CFDP1: variants seen among roughly 807,000 people sequenced by gnomAD.
CFDP1 encodes chromatin remodeling protein CFDP1.
In CFDP1, 31 loss-of-function variants were observed where a neutral mutation model predicts 40.1. The ratio of observed to expected loss-of-function variants is 0.77; its 90% CI spans 0.58 to 1.04. The LOEUF (loss-of-function observed/expected upper bound fraction) is 1.04, where lower values mean the gene tolerates loss of function less well. Ranked by LOEUF, CFDP1 falls within the 50% of genes least tolerant of loss-of-function variation. The probability of loss-of-function intolerance (pLI) is 0.00; values close to 1 mark genes in which losing one functional copy is unlikely to be tolerated. For synonymous variants in CFDP1, 167 were observed against 120.0 expected, an observed-to-expected ratio of 1.39 and a Z score of -2.56; for missense variants, 423 against 343.4, an observed-to-expected ratio of 1.23 and a Z score of -1.83.
At chr16:75,404,633 T>C (rs1025311944) in intron 4 of CFDP1, among the ~76,000 whole-genome samples, 1 of 151,704 alleles carries the variant, frequency 6.6e-6, no homozygotes, top group Non-Finnish European at 1.5e-5. Flanking sequence ...ATAATTAATG[T>C]GAAGCTCATC....
chr16:75,393,463 T>C (rs2078969096), intron 5 of CFDP1, among the ~76,000 whole-genome samples: 1 of 152,074 alleles, frequency 6.6e-6, no homozygotes, highest in African/African-American at 2.4e-5. Flanking sequence ...CTCACACTTT[T>C]TTAGGAAAAT....
chr16:75,426,937 C>G (rs2079348814), intron 1 of CFDP1, among the ~76,000 whole-genome samples: 1 of 151,668 alleles, frequency 6.6e-6, no homozygotes, highest in African/African-American at 2.4e-5. Context: ...TGCTTGTAAT[C>G]CCACCTACTT....
chr16:75,328,172 A>C (rs1000149628), intron 5 of CFDP1, among the ~76,000 whole-genome samples: 3 of 137,030 alleles, frequency 2.2e-5, no homozygotes, highest in African/African-American at 8.3e-5. Context: ...TTTAAGAGAC[A>C]GAGGTCTCAC....
At chr16:75,326,754 C>T (rs2078404196) in intron 5 of CFDP1, among the ~76,000 whole-genome samples, 1 of 152,158 alleles carries the variant, frequency 6.6e-6, no homozygotes, top group Non-Finnish European at 1.5e-5. Flanking sequence ...TCAAGACATC[C>T]AAATGGCTTC....
chr16:75,302,961 C>T (rs1048119796), intron 6 of CFDP1, among the ~76,000 whole-genome samples: 9 of 152,058 alleles, frequency 5.9e-5, no homozygotes, highest in East Asian at 1.9e-4. Context: ...TTTGGGAGGC[C>T]GAGGCGGGTG....
intron 1 of CFDP1, among the ~76,000 whole-genome samples, chr16:75,417,195 C>A (rs2079216729): frequency 6.6e-6 from 1 of 152,090 alleles, no homozygotes; most frequent in South Asian, 2.1e-4. Context: ...ACAAATACCA[C>A]CCCAAAATAC....
intron 4 of CFDP1, among the ~76,000 whole-genome samples, chr16:75,408,629 T>C (rs1231162652): frequency 6.6e-6 from 1 of 151,404 alleles, no homozygotes; most frequent in Non-Finnish European, 1.5e-5. Flanking sequence ...ATACAAAAAT[T>C]AGCTGGCACG....
intron 5 of CFDP1, among the ~76,000 whole-genome samples, chr16:75,339,925 T>C (rs866369375): frequency 1.3e-5 from 2 of 152,242 alleles, no homozygotes; most frequent in African/African-American, 4.8e-5. Flanking sequence ...AGAAGATGTC[T>C]TAAGATGATC....
chr16:75,406,744 G>C (rs1166612398), intron 4 of CFDP1: 3 of 151,896 alleles, frequency 2.0e-5, no homozygotes, highest in African/African-American at 7.3e-5. Context: ...AAACAAATAG[G>C]CCAGGCATGG....
intron 1 of CFDP1, among the ~76,000 whole-genome samples, chr16:75,432,772 T>C (rs148117038): frequency 6.6e-6 from 1 of 152,130 alleles, no homozygotes; most frequent in African/African-American, 2.4e-5. Flanking sequence ...TTGAGATCCC[T>C]AAGGAAAGAA....
chr16:75,333,083 C>T (rs1169637462), intron 5 of CFDP1, among the ~76,000 whole-genome samples: 3 of 148,638 alleles, frequency 2.0e-5, no homozygotes, highest in African/African-American at 5.0e-5. Flanking sequence ...GCTGGGATTA[C>T]AGGCGTGAGC....
chr16:75,403,816 A>G (rs2079075845), intron 4 of CFDP1, among the ~76,000 whole-genome samples: 1 of 152,144 alleles, frequency 6.6e-6, no homozygotes, highest in Admixed American at 6.6e-5. Context: ...AGTAAAATAT[A>G]TTACTAATTC....
intron 5 of CFDP1, among the ~76,000 whole-genome samples, chr16:75,367,718 C>T (rs541269202): frequency 2.1e-5 from 3 of 144,982 alleles, no homozygotes; most frequent in South Asian, 2.2e-4. Context: ...ACTTGAACCC[C>T]GGAGGCAGAG....
Position 75,300,791 on chromosome 16 carries a change from C to CT in CFDP1, c.809+4232dup, listed in dbSNP as rs370456557. On this transcript the variant is annotated intron_variant, in intron 6 of 6. Coordinates refer to ENST00000283882, the MANE Select transcript of CFDP1 (RefSeq NM_006324.3). Reference sequence around the variant, plus strand: ...AGTGGAATGGTCAGGGCAGGGGATACTTTTTTTTTTTGAGTCTTCAGTAGA... The same window carrying CT: ...AGTGGAATGGTCAGGGCAGGGGATACTTTTTTTTTTTTGAGTCTTCAGTAGA... 8.9e-3 allele frequency among the ~76,000 whole-genome samples: 1,305 copies of CT among 147,368 alleles called. 21 individuals carry two copies. Among genetic ancestry groups the CT allele is most frequent in the African/African-American group, 0.029 (1,165 of 40,466 alleles).
chr16:75,303,631 C>T (rs1327825084), intron 6 of CFDP1, among the ~76,000 whole-genome samples: 2 of 151,866 alleles, frequency 1.3e-5, no homozygotes, highest in Non-Finnish European at 2.9e-5. Context: ...AAGTTTGAGA[C>T]CAGCCTGGGC....
chr16:75,300,567 G>A (rs564631851), intron 6 of CFDP1, among the ~76,000 whole-genome samples: 5 of 152,302 alleles, frequency 3.3e-5, no homozygotes, highest in South Asian at 2.1e-4. Flanking sequence ...GATTACAGGC[G>A]TGAGCCACCA....
intron 5 of CFDP1, among the ~76,000 whole-genome samples, chr16:75,356,068 T>A (rs1236054271): frequency 1.3e-5 from 2 of 152,244 alleles, no homozygotes; most frequent in Admixed American, 1.3e-4. Flanking sequence ...TTCCTGTGGA[T>A]ATTTTGGCCT....
intron 5 of CFDP1, among the ~76,000 whole-genome samples, chr16:75,384,852 C>CTATATATATATA (rs59681577): frequency 1.4e-4 from 17 of 119,970 alleles, no homozygotes; most frequent in Admixed American, 4.0e-4. Flanking sequence ...GAAACTAAAA[C>CTATATATATATA]TATATATATA....
At chr16:75,422,396 CTTTT>C (rs765465924) in intron 1 of CFDP1, among the ~76,000 whole-genome samples, 32 of 129,484 alleles carry the variant, frequency 2.5e-4, no homozygotes, top group Middle Eastern at 4.3e-3. Context: ...CGTATGGCCT[CTTTT>C]TTTTTTTTTT....
Sources: gnomAD v4.1 joint callset for allele counts (sites outside exome capture counted in the v4.1 genomes callset) on GRCh38, gnomAD v4.1.1 for gene constraint, MANE v1.5 for transcripts, NCBI Gene and HGNC (gene_info 2026-07-23, HGNC 2026-07-21) for gene names.